Variants in FHIP2B observed in about 807,000 individuals in gnomAD.
FHIP2B encodes the protein FHF complex subunit HOOK-interacting protein 2B.
FHIP2B carries 72 observed loss-of-function variants against 84.0 expected under a neutral mutation model. That is an observed-to-expected ratio of 0.86 (90% CI 0.71 to 1.04). The LOEUF is 1.04. Ranked by LOEUF, FHIP2B falls within the 50% of genes least tolerant of loss-of-function variation. The pLI is 0.00. For synonymous variants in FHIP2B, 497 were observed against 418.7 expected (o/e 1.19, Z -2.28); for missense variants, 972 against 968.9 (o/e 1.00, Z -0.04).
At position 22,101,758 on chromosome 8, in the gene FHIP2B, C is replaced by T. The variant is rs745333673; in HGVS notation, c.1758C>T (p.Pro586=). The T allele has an allele frequency of 7.4e-6, 12 of 1,613,490 alleles. No individual in the cohort carries two copies. In the South Asian group the frequency reaches 1.3e-4, roughly 18 times the overall value. The change falls in exon 14 of 17, where the codon CCC becomes CCT. Residue 586 remains proline (P), a synonymous_variant. Transcript: ENST00000289921. ...RVASWGWPLT[P]TPLDPHEPER... Reference sequence around the variant, plus strand: ...CCTCCTGGGGCTGGCCTCTGACCCCCACACCTTTGGACCCCCATGAGCCCG... The same window carrying T: ...CCTCCTGGGGCTGGCCTCTGACCCCTACACCTTTGGACCCCCATGAGCCCG...
At chr8:22,099,182 C>T (rs775198151) in intron 8 of FHIP2B, 102 bp from the exon 9 acceptor site, 141 of 1,520,788 alleles carry the variant, frequency 9.3e-5, no homozygotes, top group Non-Finnish European at 1.2e-4. Flanking sequence ...CCAGGCGGGC[C>T]GGGACCCTCT....
chr8:22,091,786 A>G (rs1177893225), intron 1 of FHIP2B, among the ~76,000 whole-genome samples: 1 of 152,222 alleles, frequency 6.6e-6, no homozygotes, highest in Admixed American at 6.5e-5. Flanking sequence ...AGACCCCATC[A>G]CAGAAATTAT....
chr8:22,101,601 G>C, intron 13 of FHIP2B, 71 bp downstream of exon 13: 3 of 1,560,088 alleles, frequency 1.9e-6, no homozygotes, highest in Non-Finnish European at 2.6e-6. Context: ...TCTGGGTTCC[G>C]CCTCTCTCAT....
chr8:22,098,997 T>C lies in FHIP2B; in HGVS notation c.1015T>C (p.Leu339=). ...DEASFPGKEA[L]AAFLGWFDYC... Reference sequence around the variant, plus strand: ...GGCTTCCTTCCCTGGCAAGGAGGCCTTGGCTGCCTTCTTGGGCTGGTTTGA... The same window carrying C: ...GGCTTCCTTCCCTGGCAAGGAGGCCCTGGCTGCCTTCTTGGGCTGGTTTGA... Residue 339 remains leucine (L), a synonymous_variant, in exon 8 of 17, where the codon TTG becomes CTG. Coordinates refer to ENST00000289921, the MANE Select transcript of FHIP2B (RefSeq NM_022749.7). 6.2e-7 allele frequency: 1 copy of C among 1,608,754 alleles called. No homozygotes were observed. The highest frequency in any genetic ancestry group is 1.3e-5 in the African/African-American group (1 of 74,978).
chr8:22,102,252 C>A lies in FHIP2B; in HGVS notation c.1929C>A (p.Tyr643Ter). ...TCCCCCACCCCCATATTCATGAGTA[C>A]CTGCTGGATCCGTACATCAGCCTGG... ...ALFPHPHIHE[Y>*]LLDPYISLAP... The change falls in exon 15 of 17, where the codon TAC (tyrosine) becomes TAA (stop). Residue 643 changes from tyrosine (Y) to a stop codon, truncating the protein, a stop_gained. Transcript: ENST00000289921. LOFTEE classifies it high-confidence loss of function. 1 of 1,613,244 alleles carries A rather than the reference C, an allele frequency of 6.2e-7. No individual in the cohort carries two copies. The highest frequency in any genetic ancestry group is 8.5e-7 in the Non-Finnish European group (1 of 1,179,880).
intron 1 of FHIP2B, among the ~76,000 whole-genome samples, chr8:22,091,112 G>T (rs540124296): frequency 6.6e-6 from 1 of 152,088 alleles, no homozygotes; most frequent in African/African-American, 2.4e-5. Context: ...CCCTCAGGTC[G>T]CCAGTCTAGG....
Position 22,101,671 on chromosome 8 carries a change from C to T in FHIP2B, c.1708-37C>T, listed in dbSNP as rs1256548450. The T allele has an allele frequency of 1.9e-6, 3 of 1,582,858 alleles. No homozygotes were observed. The Admixed American group carries it at 5.2e-5, about 28-fold the overall frequency. ...GGGCCCTGTCTGCTGGTTCCCAGTCCCCAGGCCCACTGCCTCTACTTTCCC... is the reference window on the plus strand; with the variant it reads ...GGGCCCTGTCTGCTGGTTCCCAGTCTCCAGGCCCACTGCCTCTACTTTCCC... On this transcript the variant is annotated intron_variant, in intron 13 of 16. Coordinates refer to ENST00000289921, the MANE Select transcript of FHIP2B (RefSeq NM_022749.7).
chr8:22,099,020 T>C lies in FHIP2B; in HGVS notation c.1038T>C (p.Phe346=), dbSNP rs1001229993. 6.2e-6 allele frequency: 10 copies of C among 1,607,060 alleles called. No individual in the cohort carries two copies. In the Admixed American group the frequency reaches 8.4e-5, roughly 14 times the overall value. Residue 346 remains phenylalanine, a synonymous_variant, in exon 8 of 17, where the codon TTT becomes TTC. Transcript: ENST00000289921. ...KEALAAFLGW[F]DYCDHLITEA... is the part of the protein sequence containing the mutation. The stretch of plus-strand genomic sequence containing the variant: ...CCTTGGCTGCCTTCTTGGGCTGGTT[T>C]GATTACTGCGACCACCTCATCACAG...
intron 12 of FHIP2B, 188 bp downstream of exon 12, chr8:22,101,160 T>A (rs1408294018): frequency 1.4e-6 from 1 of 723,084 alleles, no homozygotes; most frequent in African/African-American, 1.8e-5. Context: ...GTACCTGGGA[T>A]TACAGACATG....
In FHIP2B at chr8:22,101,874, G is replaced by A. The variant is rs142167452; in HGVS notation, c.1851+23G>A. The A allele has an allele frequency of 1.2e-5, 19 of 1,610,804 alleles. No individual in the cohort carries two copies. The South Asian group carries it at 1.2e-4, about 10-fold the overall frequency. Reference sequence around the variant, plus strand: ...CAGGTAGCTAGTGGGCCTGGGCCAGGAGAACTCCAGGCTGGTGCCTCTGGG... The same window carrying A: ...CAGGTAGCTAGTGGGCCTGGGCCAGAAGAACTCCAGGCTGGTGCCTCTGGG... On this transcript the variant is annotated intron_variant, in intron 14 of 16. Transcript: ENST00000289921.
chr8:22,096,295 C>A lies in FHIP2B; in HGVS notation c.125-42C>A, dbSNP rs1390631292. On this transcript the variant is annotated intron_variant, in intron 2 of 16. Transcript: ENST00000289921. Reference sequence around the variant, plus strand: ...GGGTGAAGTTTTCAAGCCGGGGTGCCCCTCTTTACCCTACTCACCCTTGTT... The same window carrying A: ...GGGTGAAGTTTTCAAGCCGGGGTGCACCTCTTTACCCTACTCACCCTTGTT... 3 of 1,468,290 alleles carry A rather than the reference C, an allele frequency of 2.0e-6. No homozygotes were observed. The African/African-American group carries it at 4.3e-5, about 21-fold the overall frequency. The allele number at this position is 1,468,290 out of a possible 1,614,324, so 91.0% of individuals were successfully genotyped here.
rs1423204160 is a variant in FHIP2B, at chr8:22,104,735, AG to A, written c.*1806del. ...TGTATGCCTGTTTTAGTCATAAAGT[AG>A]GCCTGATATTTAAAACCTTGTCTTT... On this transcript the variant is annotated 3_prime_UTR_variant, in exon 17 of 17. Transcript: ENST00000289921. 1 of 151,848 alleles carries A rather than the reference AG, an allele frequency of 6.6e-6. No homozygotes were observed. Among genetic ancestry groups the A allele is most frequent in the Non-Finnish European group, 1.5e-5 (1 of 68,030 alleles). The allele number at this position is 151,848 out of a possible 1,614,324, so 9.4% of individuals were successfully genotyped here. A position where few individuals can be genotyped will look rare whatever the true frequency, so the allele number is the denominator to read the frequency against.
intron 1 of FHIP2B, chr8:22,089,726 A>T (rs1156994338): frequency 8.1e-7 from 1 of 1,233,636 alleles, no homozygotes; most frequent in Non-Finnish European, 1.1e-6. Context: ...GGCTTGAAAA[A>T]ATCGCCGTCC....
intron 1 of FHIP2B, chr8:22,089,871 GGCTGGTGGGCCCCCA>G (rs1437601344): frequency 7.9e-7 from 1 of 1,263,792 alleles, no homozygotes; most frequent in Non-Finnish European, 1.0e-6. Flanking sequence ...ACCCGGGGCA[GGCTGGTGGGCCCCCA>G]GCCGGGGAAA....
chr8:22,103,043 T>C lies in FHIP2B; in HGVS notation c.*112T>C. The stretch of plus-strand genomic sequence containing the variant: ...TGGGATGGGGCTTCTGCTCCCGGGC[T>C]CACTCAAGGAGACTGCGGCATGTTG... On this transcript the variant is annotated 3_prime_UTR_variant, in exon 17 of 17. Coordinates refer to ENST00000289921, the MANE Select transcript of FHIP2B (RefSeq NM_022749.7). The C allele has an allele frequency of 7.3e-7, 1 of 1,371,422 alleles. No individual in the cohort carries two copies. Among genetic ancestry groups the C allele is most frequent in the Non-Finnish European group, 9.8e-7 (1 of 1,022,610 alleles). 85.0% of individuals were successfully genotyped at this position (1,371,422 alleles called of 1,614,324 possible). A position where few individuals can be genotyped will look rare whatever the true frequency, so the allele number is the denominator to read the frequency against.
intron 1 of FHIP2B, among the ~76,000 whole-genome samples, chr8:22,090,641 ATTAT>A (rs1203401699): frequency 1.3e-5 from 2 of 151,840 alleles, no homozygotes; most frequent in African/African-American, 2.4e-5. Context: ...TTTTCTTTTT[ATTAT>A]TTATTTATTT....
chr8:22,099,910 C>G lies in FHIP2B; in HGVS notation c.1341+17C>G, dbSNP rs564182187. On this transcript the variant is annotated intron_variant, in intron 10 of 16. Transcript: ENST00000289921. ...TCTGATGAGGTACAGTGGGGGACCT[C>G]CATCTCTGTTCCTCTCACCACCCCT... 1.9e-6 allele frequency: 3 copies of G among 1,588,036 alleles called. No homozygotes were observed. The East Asian group carries it at 6.9e-5, about 36-fold the overall frequency.
chr8:22,102,721 G>C, intron 16 of FHIP2B, 72 bp from the exon 17 acceptor site: 1 of 1,603,942 alleles, frequency 6.2e-7, no homozygotes, highest in Non-Finnish European at 8.5e-7. Flanking sequence ...CAAGCCTCGT[G>C]GATGCTGGGC....
intron 12 of FHIP2B, 120 bp downstream of exon 12, chr8:22,101,092 T>C (rs1273335469): frequency 4.6e-6 from 6 of 1,316,008 alleles, no homozygotes; most frequent in African/African-American, 1.5e-5. Context: ...CTCGGCTCAC[T>C]GCAACCTCCA....
Sources: gnomAD v4.1 joint callset for allele counts (sites outside exome capture counted in the v4.1 genomes callset) on GRCh38, gnomAD v4.1.1 for gene constraint, MANE v1.5 for transcripts, NCBI Gene and HGNC (gene_info 2026-07-23, HGNC 2026-07-21) for gene names.